HSF5: variants seen among roughly 807,000 people sequenced by gnomAD.
HSF5 encodes the protein heat shock factor protein 5.
HSF5 carries 5 observed loss-of-function variants against 50.8 expected under a neutral mutation model. That is an observed-to-expected ratio of 0.10 (90% CI 0.05 to 0.21). The LOEUF is 0.21. Among genes scored for constraint, HSF5 ranks in the 10% least tolerant of loss-of-function variants. The pLI is 1.00. For missense variants in HSF5, 564 were observed against 762.6 expected, an observed-to-expected ratio of 0.74 and a Z score of 3.07; for synonymous variants, 307 against 307.4, an observed-to-expected ratio of 1.00 and a Z score of 0.02.
At chr17:58,476,056 A>G (rs1975007870) in intron 2 of HSF5, 4 of 474,480 alleles carry the variant, frequency 8.4e-6, no homozygotes, top group Admixed American at 3.6e-5. Flanking sequence ...CAAAACCAAA[A>G]AAACCTGCAA....
chr17:58,474,673 T>C (rs1298883199), intron 2 of HSF5, among the ~76,000 whole-genome samples: 1 of 152,126 alleles, frequency 6.6e-6, no homozygotes, highest in Non-Finnish European at 1.5e-5. Flanking sequence ...TTTGTAGTGG[T>C]TTTAGTGAAT....
rs142223804 is a variant in HSF5, at chr17:58,439,134, A to T, written c.1721-16704T>A. 6.0e-3 allele frequency among the ~76,000 whole-genome samples: 915 copies of T among 152,072 alleles called. 6 individuals are homozygous for T. Among genetic ancestry groups the T allele is most frequent in the African/African-American group, 9.4e-3 (390 of 41,490 alleles). On this transcript the variant is annotated intron_variant, in intron 5 of 5. Coordinates refer to ENST00000323777, the MANE Select transcript of HSF5 (RefSeq NM_001080439.3). ...AGAGTGAGACCCTGCCTCAAAAAAAAAATAATAATAAATAAAAAAAATTGG... is the reference window on the plus strand; with the variant it reads ...AGAGTGAGACCCTGCCTCAAAAAAATAATAATAATAAATAAAAAAAATTGG...
chr17:58,441,999 T>C (rs1183273701), intron 5 of HSF5, among the ~76,000 whole-genome samples: 1 of 152,222 alleles, frequency 6.6e-6, no homozygotes, highest in Non-Finnish European at 1.5e-5. Context: ...AGAAGAGCCA[T>C]CTAACAGAAA....
At chr17:58,455,322 C>A (rs1315811957) in intron 5 of HSF5, among the ~76,000 whole-genome samples, 3 of 152,038 alleles carry the variant, frequency 2.0e-5, no homozygotes, top group African/African-American at 7.2e-5. Context: ...ATATAAAAAT[C>A]AACTCTAAAT....
chr17:58,475,348 T>A (rs56079167), intron 2 of HSF5, among the ~76,000 whole-genome samples: 3 of 152,174 alleles, frequency 2.0e-5, no homozygotes, highest in Non-Finnish European at 2.9e-5. Flanking sequence ...TTTTAACCTT[T>A]AAAACTGAGC....
rs1283703468 is a variant in HSF5 at position 58,463,258 on chromosome 17, T to C, written c.1066A>G (p.Asn356Asp). Reference protein sequence around the residue: ...SSYPVEFLPSNWPCSTTDENT... With the variant: ...SSYPVEFLPSDWPCSTTDENT... ...TCATCAGTAGTACTGCAGGGCCAAT[T>C]GGAAGGCAAAAATTCAACTGGATAG... The change falls in exon 4 of 6, where the codon AAT (asparagine) becomes GAT (aspartate). Residue 356 changes from asparagine (N) to aspartate (D), a missense_variant. By Grantham distance (23) the Asn-to-Asp change is conservative. Transcript: ENST00000323777. 10 of 1,614,008 alleles carry C rather than the reference T, an allele frequency of 6.2e-6. No homozygotes were observed. The highest frequency in any genetic ancestry group is 8.5e-6 in the Non-Finnish European group (10 of 1,179,926).
Position 58,488,065 on chromosome 17 carries a change from C to G in HSF5, c.210G>C (p.Glu70Asp). ...GGTAGAGAEPELFKTTSFTSF... is the reference protein window; with the variant it reads ...GGTAGAGAEPDLFKTTSFTSF... ...TGGTGAAGCTGGTGGTTTTGAAGAG[C>G]TCGGGCTCGGCCCCGGCCCCCGCAG... Residue 70 changes from glutamate (E) to aspartate (D), a missense_variant, in exon 1 of 6, where the codon GAG becomes GAC. Glu to Asp is a conservative substitution (Grantham distance 45, BLOSUM62 2). Coordinates refer to ENST00000323777, the MANE Select transcript of HSF5 (RefSeq NM_001080439.3). The surrounding 1 kb of genome is among the most constrained non-coding windows in gnomAD (Gnocchi z 4.1). The G allele has an allele frequency of 6.3e-7, 1 of 1,593,150 alleles. No individual in the cohort carries two copies. The highest frequency in any genetic ancestry group is 8.5e-7 in the Non-Finnish European group (1 of 1,173,972).
intron 4 of HSF5, among the ~76,000 whole-genome samples, chr17:58,460,539 TC>T: frequency 6.7e-6 from 1 of 149,976 alleles, no homozygotes; most frequent in South Asian, 2.1e-4. Context: ...AGACGGAGTC[TC>T]GCTCTGTCGC....
intron 5 of HSF5, among the ~76,000 whole-genome samples, chr17:58,456,151 A>ATG (rs1046745282): frequency 3.9e-5 from 5 of 126,812 alleles, no homozygotes; most frequent in African/African-American, 6.3e-5. Context: ...ATATATATAT[A>ATG]TGTGTGTGTG....
chr17:58,435,082 A>G (rs565752372), intron 5 of HSF5, among the ~76,000 whole-genome samples: 1 of 152,334 alleles, frequency 6.6e-6, no homozygotes, highest in African/African-American at 2.4e-5. Context: ...AGCTGCTTCT[A>G]TTTTCTCAGT....
chr17:58,460,800 C>T (rs1386864980), intron 4 of HSF5, among the ~76,000 whole-genome samples: 4 of 151,442 alleles, frequency 2.6e-5, no homozygotes, highest in African/African-American at 4.8e-5. Flanking sequence ...TGAGCCACTG[C>T]GCCTGGCCAA....
At position 58,487,785 on chromosome 17, in the gene HSF5, T is replaced by G. The variant is rs1294460291; in HGVS notation, c.490A>C (p.Thr164Pro). ...RLLITSASAA[T>P]APLQHQQPPP... ...GGCTGCTGGTGCTGCAGTGGCGCGG[T>G]GGCGGCGGAGGCCGAGGTGATGAGC... Residue 164 changes from threonine to proline, a missense_variant, in exon 1 of 6, where the codon ACC becomes CCC. Thr to Pro is a conservative substitution (Grantham distance 38). This residue lies in a region of HSF5 where 441 missense variants were observed against 533.6 expected (regional missense o/e 0.83). Transcript: ENST00000323777. 9.3e-6 allele frequency: 14 copies of G among 1,503,228 alleles called. No homozygotes were observed. Among genetic ancestry groups the G allele is most frequent in the Admixed American group, 2.2e-5 (1 of 44,578 alleles). 93.1% of individuals were successfully genotyped at this position (1,503,228 alleles called of 1,614,324 possible). A position where few individuals can be genotyped will look rare whatever the true frequency, so the allele number is the denominator to read the frequency against.
intron 5 of HSF5, among the ~76,000 whole-genome samples, chr17:58,431,738 T>C (rs1020975185): frequency 6.6e-6 from 1 of 152,196 alleles, no homozygotes; most frequent in African/African-American, 2.4e-5. Context: ...TGTAACCCTA[T>C]TGGACCTAGC....
intron 2 of HSF5, among the ~76,000 whole-genome samples, chr17:58,478,526 T>C (rs1598202313): frequency 7.5e-6 from 1 of 133,570 alleles, no homozygotes; most frequent in South Asian, 2.4e-4. Flanking sequence ...TACATTTGAG[T>C]GAAATGGTAA....
intron 2 of HSF5, among the ~76,000 whole-genome samples, chr17:58,477,104 T>A (rs1378468995): frequency 1.3e-5 from 2 of 150,314 alleles, no homozygotes; most frequent in African/African-American, 2.4e-5. Flanking sequence ...GGGCTAGGGA[T>A]ATATATATAT....
At chr17:58,431,021 A>G (rs147473753) in intron 5 of HSF5, among the ~76,000 whole-genome samples, 1 of 152,284 alleles carries the variant, frequency 6.6e-6, no homozygotes, top group East Asian at 1.9e-4. Context: ...TAACTGAATC[A>G]TGGGGGCAGG....
At chr17:58,476,648 C>T (rs943138234) in intron 2 of HSF5, 26 of 1,558,300 alleles carry the variant, frequency 1.7e-5, no homozygotes, top group East Asian at 2.2e-5. Context: ...AGTGCCTCTT[C>T]GTCCTCCTCC....
At chr17:58,473,360 G>T (rs1216909973) in intron 2 of HSF5, among the ~76,000 whole-genome samples, 2 of 152,070 alleles carry the variant, frequency 1.3e-5, no homozygotes, top group Non-Finnish European at 2.9e-5. Flanking sequence ...AGTTGATTTT[G>T]AGTCTATTCA....
intron 5 of HSF5, among the ~76,000 whole-genome samples, chr17:58,446,774 T>G (rs1257006362): frequency 6.6e-6 from 1 of 152,018 alleles, no homozygotes; most frequent in Non-Finnish European, 1.5e-5. Context: ...GCTATCTGAG[T>G]GCCACGTCAT....
Sources: gnomAD v4.1 joint callset for allele counts (sites outside exome capture counted in the v4.1 genomes callset) on GRCh38, gnomAD v4.1.1 for gene constraint, gnomAD v4.1.1 regional missense constraint, Gnocchi (gnomAD v3.1) non-coding constraint, MANE v1.5 for transcripts, NCBI Gene and HGNC (gene_info 2026-07-23, HGNC 2026-07-21) for gene names.